The following RNF213 variants were observed in gnomAD, a reference collection of about 807,000 sequenced individuals.
RNF213 encodes ring finger protein 213.
A neutral mutation model predicts 514.4 loss-of-function variants in RNF213; 341 were observed. The observed-to-expected ratio is 0.66, with a 90% CI of 0.61 to 0.73. The LOEUF (loss-of-function observed/expected upper bound fraction) is 0.73. RNF213 is among the 30% of genes least tolerant of loss of function. The probability of loss-of-function intolerance (pLI) is 0.00; values close to 1 mark genes in which losing one functional copy is unlikely to be tolerated. For missense variants in RNF213, 5,767 were observed against 6,615.6 expected (o/e 0.87, Z 4.45); for synonymous variants, 2,655 against 2,658.2 (o/e 1.00, Z 0.04).
At position 80,381,570 on chromosome 17, in the gene RNF213, T is replaced by G; in HGVS notation, c.13821T>G (p.Pro4607=). Residue 4607 remains proline, a synonymous_variant, in exon 57 of 68, where the codon CCT becomes CCG. Coordinates refer to ENST00000582970, the MANE Select transcript of RNF213 (RefSeq NM_001256071.3). ...AGGCTCTGATAAACATCATTAAGCCTCCAGTGAGGGATCCAAAAGGCTTTC... is the reference window on the plus strand; with the variant it reads ...AGGCTCTGATAAACATCATTAAGCCGCCAGTGAGGGATCCAAAAGGCTTTC... ...SSQALINIIK[P]PVRDPKGFLQ... is the part of the protein sequence containing the mutation. The G allele has an allele frequency of 6.2e-7, 1 of 1,614,146 alleles. No homozygotes were observed. The highest frequency in any genetic ancestry group is 1.3e-5 in the African/African-American group (1 of 75,040).
intron 38 of RNF213, among the ~76,000 whole-genome samples, chr17:80,361,236 G>A (rs2079043879): frequency 6.6e-6 from 1 of 152,252 alleles, no homozygotes; most frequent in South Asian, 2.1e-4. Flanking sequence ...TATTCCACTG[G>A]AAAAATATCC....
intron 23 of RNF213, 25 bp from the exon 24 acceptor site, chr17:80,337,561 G>GT (rs2078023723): frequency 6.5e-7 from 1 of 1,535,776 alleles, no homozygotes; most frequent in African/African-American, 1.4e-5. Flanking sequence ...ACCGTGGCCC[G>GT]TGTTCTCTCC....
chr17:80,302,695 A>C lies in RNF213; in HGVS notation c.2211-3557A>C, dbSNP rs138495473. On this transcript the variant is annotated intron_variant, in intron 11 of 67. Coordinates refer to ENST00000582970, the MANE Select transcript of RNF213 (RefSeq NM_001256071.3). ...CATAGTAAAACCCAGTTTCTACAAA[A>C]AAACAAACAAAAAAAATAGTTAGGC... Among the ~76,000 whole-genome samples, 9 of 152,282 alleles carry C rather than the reference A, an allele frequency of 5.9e-5. No individual in the cohort carries two copies. In the East Asian group the frequency reaches 1.4e-3, roughly 23 times the overall value.
rs756077383 is a variant in RNF213, at chr17:80,354,588, AAAGG to A, written c.10862+16_10862+19del. On this transcript the variant is annotated intron_variant, in intron 36 of 67. Transcript: ENST00000582970. ...GCGGGCACATTCAGGTACTGTGACT[AAAGG>A]AAGCAAGGAGTGGCTCCAATCTGGT... The A allele has an allele frequency of 6.2e-7, 1 of 1,614,100 alleles. No individual in the cohort carries two copies. The highest frequency in any genetic ancestry group is 1.3e-5 in the African/African-American group (1 of 75,058).
At chr17:80,336,804 T>C (rs1446310411) in intron 23 of RNF213, 1 of 329,846 alleles carries the variant, frequency 3.0e-6, no homozygotes, top group Admixed American at 4.4e-5. Context: ...CTCTGGAGGC[T>C]GAGACAGAAT....
intron 42 of RNF213, among the ~76,000 whole-genome samples, chr17:80,367,474 AG>A (rs1473346820): frequency 6.6e-6 from 1 of 152,240 alleles, no homozygotes; most frequent in Non-Finnish European, 1.5e-5. Flanking sequence ...TATTACTTAA[AG>A]TTTGAAATAT....
chr17:80,384,777 C>A, intron 59 of RNF213: 1 of 498,938 alleles, frequency 2.0e-6, no homozygotes, highest in Admixed American at 3.2e-5. Flanking sequence ...CCTTCATCAG[C>A]CTTTGATGGA....
chr17:80,388,500 A>T (rs6565683), intron 63 of RNF213, 112 bp from the exon 64 acceptor site: 620,568 of 781,516 alleles, frequency 0.79, 250,768 homozygotes, highest in African/African-American at 0.9. Flanking sequence ...AGGGATACAC[A>T]GGGCAGCGCG....
rs1231210917 is a variant in RNF213 at position 80,266,614 on chromosome 17, G to A, written c.97+2836G>A. Among the ~76,000 whole-genome samples, 5 of 152,114 alleles carry A rather than the reference G, an allele frequency of 3.3e-5. No homozygotes were observed. In the East Asian group the frequency reaches 9.8e-4, roughly 30 times the overall value. On this transcript the variant is annotated intron_variant, in intron 2 of 67. Coordinates refer to ENST00000582970, the MANE Select transcript of RNF213 (RefSeq NM_001256071.3). ...CCTCCCAGGTTCAAGTGATGTTCCT[G>A]CCTCAGCCTCCCAAGTAGCGGGGAT...
intron 14 of RNF213, among the ~76,000 whole-genome samples, chr17:80,310,318 T>C (rs2045524074): frequency 6.6e-6 from 1 of 152,080 alleles, no homozygotes; most frequent in South Asian, 2.1e-4. Context: ...AGTGGCGCCA[T>C]CTCAGCTCAC....
chr17:80,305,184 C>CTTTTTTTTTTTT (rs71163950), intron 11 of RNF213, among the ~76,000 whole-genome samples: 9,155 of 126,114 alleles, frequency 0.073, 742 homozygotes, highest in East Asian at 0.17. Flanking sequence ...CAGCAGTGAA[C>CTTTTTTTTTTTT]TTTTTTTTTT....
In RNF213 at chr17:80,377,870, C is replaced by T. The variant is rs1568158785; in HGVS notation, c.13545+74C>T. ...GGGTTGGAGGAGGGGGATCGTGGGT[C>T]AGGAGAGTGAGGCTCTCGGCCTTCC... On this transcript the variant is annotated intron_variant, in intron 54 of 67. Coordinates refer to ENST00000582970, the MANE Select transcript of RNF213 (RefSeq NM_001256071.3). This position sits in a 1 kb window ranked among gnomAD's most constrained non-coding sequence, Gnocchi z 4.1. The T allele has an allele frequency of 4.5e-6, 7 of 1,546,428 alleles. No individual in the cohort carries two copies. Among genetic ancestry groups the T allele is most frequent in the Non-Finnish European group, 4.5e-6 (5 of 1,118,874 alleles).
In RNF213 at chr17:80,379,778, C is replaced by G. The variant is rs1450430011; in HGVS notation, c.13640+64C>G. On this transcript the variant is annotated intron_variant, in intron 55 of 67. Coordinates refer to ENST00000582970, the MANE Select transcript of RNF213 (RefSeq NM_001256071.3). Reference sequence around the variant, plus strand: ...TTTGGGGTGTTGGGCTGTTTTTATTCCAGCTGATAAAGTGATACTCAAGAT... The same window carrying G: ...TTTGGGGTGTTGGGCTGTTTTTATTGCAGCTGATAAAGTGATACTCAAGAT... The G allele has an allele frequency of 2.3e-5, 30 of 1,329,318 alleles. No homozygotes were observed. The East Asian group carries it at 2.8e-4, about 12-fold the overall frequency. The allele number at this position is 1,329,318 out of a possible 1,614,324, so 82.3% of individuals were successfully genotyped here. A position where few individuals can be genotyped will look rare whatever the true frequency, so the allele number is the denominator to read the frequency against.
chr17:80,376,596 T>C lies in RNF213; in HGVS notation c.13428+53T>C, dbSNP rs574885207. ...CTTCACTGGAACACCCCCCAGAGCT[T>C]GTCACTGTAGAGACCGAGCTGCAGC... On this transcript the variant is annotated intron_variant, in intron 52 of 67. Coordinates refer to ENST00000582970, the MANE Select transcript of RNF213 (RefSeq NM_001256071.3). 4.2e-5 allele frequency: 67 copies of C among 1,612,396 alleles called. No homozygotes were observed. The Admixed American group carries it at 1.0e-3, about 24-fold the overall frequency.
chr17:80,370,250 C>T (rs1354168438), intron 46 of RNF213, among the ~76,000 whole-genome samples: 1 of 152,136 alleles, frequency 6.6e-6, no homozygotes, highest in Non-Finnish European at 1.5e-5. Flanking sequence ...TAGATGTCTC[C>T]TAAGTTTCTA....
chr17:80,361,710 C>T lies in RNF213; in HGVS notation c.11201-24C>T, dbSNP rs775963692. The stretch of plus-strand genomic sequence containing the variant: ...GCCATGACTTAGACGCACTCCAGGC[C>T]GCTCCTTGGTTTCCTCTCTGCAGGA... On this transcript the variant is annotated intron_variant, in intron 38 of 67. Coordinates refer to ENST00000582970, the MANE Select transcript of RNF213 (RefSeq NM_001256071.3). 56 of 1,611,196 alleles carry T rather than the reference C, an allele frequency of 3.5e-5. 1 individual carries two copies. Among genetic ancestry groups the T allele is most frequent in the South Asian group, 1.7e-4 (15 of 90,766 alleles).
chr17:80,263,720 A>T lies in RNF213; in HGVS notation c.39A>T (p.Glu13Asp). The T allele has an allele frequency of 6.2e-7, 1 of 1,614,112 alleles. No homozygotes were observed. Among genetic ancestry groups the T allele is most frequent in the Non-Finnish European group, 8.5e-7 (1 of 1,180,006 alleles). The change falls in exon 2 of 68, where the codon GAA becomes GAT. Residue 13 changes from glutamate to aspartate, a missense_variant. Coordinates refer to ENST00000582970, the MANE Select transcript of RNF213 (RefSeq NM_001256071.3). The surrounding 1 kb of genome is among the most constrained non-coding windows in gnomAD (Gnocchi z 4.9). ...CPSCQHVSKE[E>D]TPKFCSQCGE... ...CGTGCCAGCATGTCTCCAAGGAGGA[A>T]ACCCCCAAGTTCTGCAGCCAGTGCG...
chr17:80,309,243 A>G (rs1166179528), intron 14 of RNF213, 72 bp downstream of exon 14: 2 of 1,581,280 alleles, frequency 1.3e-6, no homozygotes, highest in East Asian at 4.5e-5. Flanking sequence ...CAATTTGGAA[A>G]GGAAACAGAC....
intron 35 of RNF213, 60 bp downstream of exon 35, chr17:80,354,226 G>T: frequency 6.3e-7 from 1 of 1,585,580 alleles, no homozygotes; most frequent in Non-Finnish European, 8.6e-7. Context: ...TGAGGAGTGG[G>T]CATCATTTCA....
Sources: allele counts gnomAD v4.1 joint callset (sites outside exome capture counted in the v4.1 genomes callset), GRCh38; gene constraint gnomAD v4.1.1; non-coding constraint Gnocchi (gnomAD v3.1); transcripts MANE v1.5; gene names NCBI Gene and HGNC (gene_info 2026-07-23, HGNC 2026-07-21).